KDM4C: variants seen among roughly 807,000 people sequenced by gnomAD.
KDM4C encodes the protein lysine-specific demethylase 4C.
KDM4C carries 81 observed loss-of-function variants against 129.3 expected under a neutral mutation model. That is an observed-to-expected ratio of 0.63 (90% CI 0.52 to 0.75). KDM4C has a LOEUF of 0.75. Among genes scored for constraint, KDM4C ranks in the 30% least tolerant of loss-of-function variants. The pLI, the probability that KDM4C is intolerant of heterozygous loss-of-function variation, is 0.00. For synonymous variants in KDM4C, 573 were observed against 456.1 expected (o/e 1.26, Z -3.26); for missense variants, 1,457 against 1,304.0 (o/e 1.12, Z -1.81).
chr9:6,728,271 C>A (rs1278510862), intron 1 of KDM4C, among the ~76,000 whole-genome samples: 1 of 152,294 alleles, frequency 6.6e-6, no homozygotes, highest in African/African-American at 2.4e-5. Context: ...TGTGGTGGCT[C>A]ACGCCTGTAA....
intron 17 of KDM4C, among the ~76,000 whole-genome samples, chr9:7,069,389 A>G (rs897975414): frequency 9.2e-5 from 14 of 152,168 alleles, no homozygotes; most frequent in African/African-American, 3.4e-4. Context: ...AACTTTTTAA[A>G]CAAACTTTAA....
intron 5 of KDM4C, among the ~76,000 whole-genome samples, chr9:6,876,138 G>T (rs1843519120): frequency 6.6e-6 from 1 of 152,186 alleles, no homozygotes; most frequent in Non-Finnish European, 1.5e-5. Flanking sequence ...GACCCTTGAT[G>T]TTAGGATTGT....
At chr9:7,063,447 C>G (rs1230562407) in intron 17 of KDM4C, among the ~76,000 whole-genome samples, 1 of 152,150 alleles carries the variant, frequency 6.6e-6, no homozygotes, top group Non-Finnish European at 1.5e-5. Context: ...CTTGTTTGGT[C>G]TGTCAGGATC....
intron 5 of KDM4C, among the ~76,000 whole-genome samples, chr9:6,872,256 G>T (rs1377637991): frequency 6.6e-6 from 1 of 152,134 alleles, no homozygotes; most frequent in Non-Finnish European, 1.5e-5. Flanking sequence ...TGAAATTGGA[G>T]TGATACTGCT....
chr9:7,068,655 G>A lies in KDM4C; in HGVS notation c.2424+19455G>A, dbSNP rs562245857. Among the ~76,000 whole-genome samples, 7 of 111,130 alleles carry A rather than the reference G, an allele frequency of 6.3e-5. No individual in the cohort carries two copies. In the East Asian group the frequency reaches 7.0e-4, roughly 11 times the overall value. 72.9% of individuals were successfully genotyped at this position (111,130 alleles called of 152,430 possible). A position where few individuals can be genotyped will look rare whatever the true frequency, so the allele number is the denominator to read the frequency against. ...TTTCTTTGCTGGCTCCTTTTCTTCT[G>A]TCTATTTCATACATGTTTATGATGC... is the stretch of plus-strand genomic sequence containing the variant. On this transcript the variant is annotated intron_variant, in intron 17 of 21. Transcript: ENST00000381309.
At chr9:6,787,703 C>A (rs935356500) in intron 1 of KDM4C, among the ~76,000 whole-genome samples, 2 of 152,256 alleles carry the variant, frequency 1.3e-5, no homozygotes, top group East Asian at 3.8e-4. Flanking sequence ...TAAATTGCCT[C>A]CTTGTCGACC....
chr9:7,091,120 C>A (rs967932618), intron 17 of KDM4C, among the ~76,000 whole-genome samples: 1 of 152,116 alleles, frequency 6.6e-6, no homozygotes, highest in Non-Finnish European at 1.5e-5. Flanking sequence ...CTGTTGAGTT[C>A]ATGAATATTT....
At chr9:7,171,556 C>T (rs1369082541) in intron 21 of KDM4C, among the ~76,000 whole-genome samples, 1 of 152,126 alleles carries the variant, frequency 6.6e-6, no homozygotes, top group Non-Finnish European at 1.5e-5. Context: ...GGTAGCCTCT[C>T]AAAGTCTCTT....
At chr9:7,147,378 G>T (rs993493010) in intron 19 of KDM4C, among the ~76,000 whole-genome samples, 4 of 152,142 alleles carry the variant, frequency 2.6e-5, no homozygotes, top group African/African-American at 9.7e-5. Flanking sequence ...TCCCCTGCGT[G>T]CCTATCCTTA....
intron 5 of KDM4C, among the ~76,000 whole-genome samples, chr9:6,870,700 T>C (rs1454385036): frequency 6.6e-6 from 1 of 152,012 alleles, no homozygotes; most frequent in Non-Finnish European, 1.5e-5. Context: ...TTTGGGGTTG[T>C]TATCTGTTAA....
chr9:6,785,308 C>G (rs1825239605), intron 1 of KDM4C, among the ~76,000 whole-genome samples: 1 of 151,554 alleles, frequency 6.6e-6, no homozygotes, highest in Non-Finnish European at 1.5e-5. Context: ...TCACATGGCA[C>G]TCTTTCCTGT....
In KDM4C at chr9:6,746,549, G is replaced by T. The variant is rs190949536; in HGVS notation, c.49+25552G>T. 3.5e-3 allele frequency among the ~76,000 whole-genome samples: 523 copies of T among 148,842 alleles called. 4 individuals carry two copies. Among genetic ancestry groups the T allele is most frequent in the African/African-American group, 0.012 (504 of 40,736 alleles). ...TTCCCAAAGTGCTGGGATTACAGGC[G>T]TGAGCCACCGCGCCCGGCCCATTTT... On this transcript the variant is annotated intron_variant, in intron 1 of 17. Transcript: ENST00000536108.
chr9:7,043,999 C>G (rs772289805), intron 15 of KDM4C, among the ~76,000 whole-genome samples: 3 of 151,196 alleles, frequency 2.0e-5, no homozygotes, highest in Non-Finnish European at 2.9e-5. Context: ...TATTGGATAT[C>G]ATAATAGAGT....
intron 4 of KDM4C, among the ~76,000 whole-genome samples, chr9:6,840,089 T>G (rs1836631271): frequency 1.3e-5 from 2 of 151,264 alleles, no homozygotes; most frequent in Admixed American, 6.6e-5. Flanking sequence ...CTCTTTTTTT[T>G]TGGAGACAGG....
intron 8 of KDM4C, among the ~76,000 whole-genome samples, chr9:6,978,167 C>T (rs920051932): frequency 3.9e-5 from 6 of 152,122 alleles, no homozygotes; most frequent in Admixed American, 3.3e-4. Context: ...AACTGAGGCA[C>T]AGAGAGGTTA....
chr9:6,794,601 C>T (rs1303920223), intron 2 of KDM4C, among the ~76,000 whole-genome samples: 1 of 152,138 alleles, frequency 6.6e-6, no homozygotes, highest in African/African-American at 2.4e-5. Flanking sequence ...ACAAATAAAG[C>T]ACCTTGTCTG....
intron 8 of KDM4C, among the ~76,000 whole-genome samples, chr9:6,908,629 T>G (rs1818747757): frequency 6.6e-6 from 1 of 151,852 alleles, no homozygotes; most frequent in Admixed American, 6.6e-5. Context: ...GGATGTAGTC[T>G]TTGTAGCACT....
At chr9:7,126,520 G>A (rs775180255) in intron 18 of KDM4C, among the ~76,000 whole-genome samples, 6 of 152,078 alleles carry the variant, frequency 3.9e-5, no homozygotes, top group Non-Finnish European at 7.4e-5. Flanking sequence ...AATAGAGGGA[G>A]GCAAGAAAGA....
intron 8 of KDM4C, among the ~76,000 whole-genome samples, chr9:6,968,075 T>C (rs1831312631): frequency 6.6e-6 from 1 of 152,230 alleles, no homozygotes; most frequent in Non-Finnish European, 1.5e-5. Context: ...TTGCTATCAC[T>C]ATCAGCGTGA....
Sources: gnomAD v4.1 joint callset for allele counts (sites outside exome capture counted in the v4.1 genomes callset) on GRCh38, gnomAD v4.1.1 for gene constraint, MANE v1.5 for transcripts, NCBI Gene and HGNC (gene_info 2026-07-23, HGNC 2026-07-21) for gene names.